The following PHF24 variants were observed in gnomAD, a reference collection of about 807,000 sequenced individuals.
The protein encoded by PHF24 is PHD finger protein 24, also known as Galpha inhibitory interacting protein.
In PHF24, 25 loss-of-function variants were observed where a neutral mutation model predicts 42.6. That is an observed-to-expected ratio of 0.59 (90% CI 0.43 to 0.82). The LOEUF (loss-of-function observed/expected upper bound fraction) is 0.82, where lower values mean the gene tolerates loss of function less well. PHF24 is among the 40% of genes least tolerant of loss of function. The pLI, the probability that PHF24 is intolerant of heterozygous loss-of-function variation, is 0.00. For missense variants in PHF24, 470 were observed against 538.1 expected, an observed-to-expected ratio of 0.87 and a Z score of 1.25; for synonymous variants, 185 against 204.8, an observed-to-expected ratio of 0.90 and a Z score of 0.83.
chr9:34,833,787 C>A, the PHF24 span: 1 of 1,551,324 alleles, frequency 6.4e-7, no homozygotes, highest in Non-Finnish European at 8.7e-7. Context: ...GGGCATGGCC[C>A]AAGACTTATA....
At chr9:34,870,158 A>G in the PHF24 span, among the ~76,000 whole-genome samples, 1 of 151,992 alleles carries the variant, frequency 6.6e-6, no homozygotes, top group Non-Finnish European at 1.5e-5. Context: ...CCCACTATCA[A>G]CATCCTGCAC....
the PHF24 span, chr9:34,832,257 A>G: frequency 3.9e-6 from 2 of 519,444 alleles, no homozygotes; most frequent in Non-Finnish European, 6.9e-6. Flanking sequence ...GTTCTCCTTG[A>G]GCAGACCAAT....
chr9:34,938,411 A>T, the PHF24 span, among the ~76,000 whole-genome samples: 1 of 152,216 alleles, frequency 6.6e-6, no homozygotes, highest in Non-Finnish European at 1.5e-5. Flanking sequence ...GGGCAGAGAC[A>T]GACTAGAATA....
chr9:34,675,694 C>T, the PHF24 span, among the ~76,000 whole-genome samples: 3 of 152,152 alleles, frequency 2.0e-5, no homozygotes, highest in Non-Finnish European at 4.4e-5. Context: ...TAGTTATCTC[C>T]TCTATTCCCT....
At chr9:34,876,667 A>G in the PHF24 span, among the ~76,000 whole-genome samples, 1 of 152,156 alleles carries the variant, frequency 6.6e-6, no homozygotes, top group Admixed American at 6.5e-5. Flanking sequence ...TATTATTAAA[A>G]AAAAGAAAGA....
At chr9:34,706,400 G>A in the PHF24 span, among the ~76,000 whole-genome samples, 2 of 152,192 alleles carry the variant, frequency 1.3e-5, no homozygotes, top group Non-Finnish European at 2.9e-5. Flanking sequence ...TAGACATATG[G>A]CACTAAGAAA....
the PHF24 span, among the ~76,000 whole-genome samples, chr9:34,666,476 A>T: frequency 1.3e-4 from 19 of 151,180 alleles, no homozygotes; most frequent in South Asian, 1.3e-3. Context: ...TACCTAGTTG[A>T]GTGGCCTCGG....
chr9:34,959,015 C>T (rs1479304903), intron 1 of PHF24, among the ~76,000 whole-genome samples: 6 of 152,312 alleles, frequency 3.9e-5, no homozygotes, highest in Admixed American at 1.3e-4. Context: ...CCTTCTAGGG[C>T]TGCAGCCTCT....
At chr9:34,937,040 C>CTG in the PHF24 span, among the ~76,000 whole-genome samples, 5 of 147,524 alleles carry the variant, frequency 3.4e-5, no homozygotes, top group South Asian at 2.1e-4. Context: ...GTCAGCCCCC[C>CTG]CCCCGGGCCA....
At chr9:34,716,990 G>C in the PHF24 span, among the ~76,000 whole-genome samples, 3 of 152,202 alleles carry the variant, frequency 2.0e-5, no homozygotes, top group Non-Finnish European at 4.4e-5. Flanking sequence ...TAGATGACAA[G>C]TTGTTGGCTG....
At chr9:34,702,336 C>T in the PHF24 span, among the ~76,000 whole-genome samples, 1 of 152,202 alleles carries the variant, frequency 6.6e-6, no homozygotes, top group East Asian at 1.9e-4. Flanking sequence ...CGCCTCCCAG[C>T]AGGCGGAGGC....
chr9:34,886,795 A>AT, the PHF24 span, among the ~76,000 whole-genome samples: 3 of 134,706 alleles, frequency 2.2e-5, no homozygotes, highest in South Asian at 2.5e-4. Context: ...CTGTCTATCT[A>AT]CTCTATCTAT....
At chr9:34,790,238 T>C in the PHF24 span, among the ~76,000 whole-genome samples, 3 of 152,258 alleles carry the variant, frequency 2.0e-5, no homozygotes, top group Non-Finnish European at 2.9e-5. Flanking sequence ...ACAAGAGTGA[T>C]GCCAGTCTGA....
the PHF24 span, chr9:34,710,078 AG>A: frequency 6.2e-7 from 1 of 1,612,552 alleles, no homozygotes; most frequent in African/African-American, 1.3e-5. Flanking sequence ...TCTGTGGTAG[AG>A]GGTGAGTAAG....
the PHF24 span, among the ~76,000 whole-genome samples, chr9:34,948,288 A>T: frequency 7.0e-4 from 106 of 152,340 alleles, no homozygotes; most frequent in South Asian, 0.017. Flanking sequence ...TAAGCTAAGG[A>T]TAATTTTTTT....
chr9:34,794,015 C>A, the PHF24 span, among the ~76,000 whole-genome samples: 1 of 151,714 alleles, frequency 6.6e-6, no homozygotes, highest in East Asian at 1.9e-4. Context: ...AAAGAGAAGT[C>A]CCAGGAAAAT....
chr9:34,935,296 G>A, the PHF24 span, among the ~76,000 whole-genome samples: 3 of 152,252 alleles, frequency 2.0e-5, no homozygotes, highest in Admixed American at 6.5e-5. Context: ...GGGTTCAAGA[G>A]AGAATGGAAC....
the PHF24 span, among the ~76,000 whole-genome samples, chr9:34,683,645 A>G: frequency 6.6e-6 from 1 of 152,222 alleles, no homozygotes; most frequent in African/African-American, 2.4e-5. Flanking sequence ...TCAGTAACAT[A>G]GTCTATCCTA....
At chr9:34,849,965 A>C in the PHF24 span, among the ~76,000 whole-genome samples, 3 of 152,180 alleles carry the variant, frequency 2.0e-5, no homozygotes, top group Admixed American at 2.0e-4. Context: ...TTCTGCTGAG[A>C]GATCCGCTGT....
Sources: allele counts gnomAD v4.1 joint callset (sites outside exome capture counted in the v4.1 genomes callset), GRCh38; gene constraint gnomAD v4.1.1; transcripts MANE v1.5; gene names NCBI Gene and HGNC (gene_info 2026-07-23, HGNC 2026-07-21).